CACNA2D3: variants seen among roughly 807,000 people sequenced by gnomAD.
CACNA2D3 encodes voltage-dependent calcium channel subunit alpha-2/delta-3.
CACNA2D3 carries 60 observed loss-of-function variants against 160.6 expected under a neutral mutation model. The ratio of observed to expected loss-of-function variants is 0.37; its 90% CI spans 0.30 to 0.46. CACNA2D3 has a LOEUF of 0.46. Among genes scored for constraint, CACNA2D3 ranks in the 20% least tolerant of loss-of-function variants. CACNA2D3 has a pLI of 1.00. For missense variants in CACNA2D3, 1,205 were observed against 1,365.0 expected (o/e 0.88, Z 1.85); for synonymous variants, 558 against 492.9 (o/e 1.13, Z -1.75).
At chr3:54,653,191 C>G (rs1330320659) in intron 11 of CACNA2D3, among the ~76,000 whole-genome samples, 1 of 152,094 alleles carries the variant, frequency 6.6e-6, no homozygotes, top group Non-Finnish European at 1.5e-5. Context: ...CTGCATGTAC[C>G]GATGGTATTA....
intron 2 of CACNA2D3, among the ~76,000 whole-genome samples, chr3:54,249,887 A>G (rs748082909): frequency 7.2e-5 from 11 of 152,080 alleles, no homozygotes; most frequent in Non-Finnish European, 8.8e-5. Context: ...TTTGAAAACA[A>G]TTATGCCATG....
intron 9 of CACNA2D3, among the ~76,000 whole-genome samples, chr3:54,598,307 C>CAAAAAAAAAAAAAAAAAAAAAAAAA (rs10656534): frequency 2.0e-5 from 1 of 49,846 alleles, no homozygotes; most frequent in African/African-American, 8.1e-5. Context: ...CTCCGTCTCA[C>CAAAAAAAAAAAAAAAAAAAAAAAAA]AAAAAAAAAA....
chr3:54,687,130 TTTTTG>T (rs1164672462), intron 11 of CACNA2D3, among the ~76,000 whole-genome samples: 71 of 50,764 alleles, frequency 1.4e-3, no homozygotes, highest in Non-Finnish European at 1.6e-3. Flanking sequence ...TCTTTTTTTT[TTTTTG>T]TTTTTTTTTT....
At chr3:54,665,750 G>C (rs1040672253) in intron 11 of CACNA2D3, among the ~76,000 whole-genome samples, 4 of 151,922 alleles carry the variant, frequency 2.6e-5, no homozygotes, top group African/African-American at 9.7e-5. Flanking sequence ...TGTAGCGATG[G>C]GTGGGTGGGT....
At chr3:54,316,670 C>T (rs372624681) in intron 2 of CACNA2D3, among the ~76,000 whole-genome samples, 2 of 152,152 alleles carry the variant, frequency 1.3e-5, no homozygotes, top group African/African-American at 2.4e-5. Flanking sequence ...GATTAGTTAG[C>T]GATGTTACAG....
intron 27 of CACNA2D3, among the ~76,000 whole-genome samples, chr3:54,925,973 C>T (rs1575380840): frequency 6.6e-6 from 1 of 152,054 alleles, no homozygotes; most frequent in East Asian, 1.9e-4. Flanking sequence ...TAATAAATAC[C>T]CATTTTCTAT....
At chr3:55,025,182 T>G (rs990147811) in intron 35 of CACNA2D3, among the ~76,000 whole-genome samples, 9 of 151,956 alleles carry the variant, frequency 5.9e-5, no homozygotes, top group African/African-American at 2.2e-4. Flanking sequence ...AATTAGAAAA[T>G]AAAGAAAGAA....
chr3:55,066,240 T>C (rs1164617602), intron 35 of CACNA2D3, among the ~76,000 whole-genome samples: 2 of 152,194 alleles, frequency 1.3e-5, no homozygotes, highest in Admixed American at 6.6e-5. Context: ...ACAGGGCCAG[T>C]GCCAAATTCA....
chr3:54,664,682 T>C (rs1049589395), intron 11 of CACNA2D3, among the ~76,000 whole-genome samples: 32 of 152,368 alleles, frequency 2.1e-4, no homozygotes, highest in African/African-American at 7.7e-4. Context: ...CTTTGGCAGG[T>C]GCCAAGGCCA....
intron 11 of CACNA2D3, among the ~76,000 whole-genome samples, chr3:54,720,246 T>C (rs1701144837): frequency 6.6e-6 from 1 of 152,040 alleles, no homozygotes. Flanking sequence ...TTTTTTATTA[T>C]ATGTATTTAC....
intron 5 of CACNA2D3, among the ~76,000 whole-genome samples, chr3:54,539,960 AG>A (rs1701946358): frequency 6.6e-6 from 1 of 152,160 alleles, no homozygotes; most frequent in African/African-American, 2.4e-5. Flanking sequence ...GAAGAAAAAT[AG>A]GTGAGCCTGG....
intron 27 of CACNA2D3, among the ~76,000 whole-genome samples, chr3:54,934,720 TTGTTTTGTTTTTTTG>T (rs1169814312): frequency 6.6e-6 from 1 of 152,202 alleles, no homozygotes; most frequent in East Asian, 1.9e-4. Context: ...CCAGTCTGTT[TTGTTTTGTTTTTTTG>T]TGTTTTGTTT....
intron 2 of CACNA2D3, among the ~76,000 whole-genome samples, chr3:54,264,110 T>C (rs935180621): frequency 3.9e-5 from 6 of 152,144 alleles, no homozygotes; most frequent in Non-Finnish European, 8.8e-5. Flanking sequence ...TATGGCAAAT[T>C]TGCTATTCAT....
At chr3:54,249,922 C>T (rs769412165) in intron 2 of CACNA2D3, among the ~76,000 whole-genome samples, 1 of 152,022 alleles carries the variant, frequency 6.6e-6, no homozygotes, top group Non-Finnish European at 1.5e-5. Context: ...ATCATGGTGT[C>T]CCCTGTGCTT....
At chr3:54,753,636 T>C (rs1419328169) in intron 12 of CACNA2D3, among the ~76,000 whole-genome samples, 1 of 152,242 alleles carries the variant, frequency 6.6e-6, no homozygotes, top group African/African-American at 2.4e-5. Context: ...TATGTTCTTA[T>C]AGCATAACTT....
At chr3:54,914,409 T>C (rs1336430547) in intron 27 of CACNA2D3, among the ~76,000 whole-genome samples, 1 of 152,152 alleles carries the variant, frequency 6.6e-6, no homozygotes, top group Non-Finnish European at 1.5e-5. Flanking sequence ...GACTAAATGC[T>C]CTCTAAGACC....
At chr3:54,178,947 C>A (rs1472593347) in intron 2 of CACNA2D3, among the ~76,000 whole-genome samples, 1 of 152,234 alleles carries the variant, frequency 6.6e-6, no homozygotes, top group East Asian at 1.9e-4. Context: ...CTTGAAGCTT[C>A]ATTTGCATAG....
chr3:54,727,116 C>A (rs1701292348), intron 11 of CACNA2D3, among the ~76,000 whole-genome samples: 1 of 152,158 alleles, frequency 6.6e-6, no homozygotes, highest in Non-Finnish European at 1.5e-5. Context: ...AGACACTTCT[C>A]AAAAGAAGAC....
intron 34 of CACNA2D3, among the ~76,000 whole-genome samples, chr3:55,016,962 T>C (rs1003660062): frequency 2.0e-5 from 3 of 152,186 alleles, no homozygotes; most frequent in Non-Finnish European, 4.4e-5. Flanking sequence ...CACTGATGGC[T>C]TGCTTAGTGA....
Sources: allele counts gnomAD v4.1 joint callset (sites outside exome capture counted in the v4.1 genomes callset), GRCh38; gene constraint gnomAD v4.1.1; transcripts MANE v1.5; gene names NCBI Gene and HGNC (gene_info 2026-07-23, HGNC 2026-07-21).